Variants in ZNF521 observed in about 807,000 individuals in gnomAD.
ZNF521 encodes zinc finger protein 521, also known as LYST-interacting protein 3.
ZNF521 carries 14 observed loss-of-function variants against 105.5 expected under a neutral mutation model. That is an observed-to-expected ratio of 0.13 (90% CI 0.09 to 0.21). The LOEUF (loss-of-function observed/expected upper bound fraction) is 0.21. Among genes scored for constraint, ZNF521 ranks in the 10% least tolerant of loss-of-function variants. ZNF521 has a pLI of 1.00. For synonymous variants in ZNF521, 635 were observed against 606.0 expected (o/e 1.05, Z -0.70); for missense variants, 1,233 against 1,629.7 (o/e 0.76, Z 4.19).
intron 5 of ZNF521, among the ~76,000 whole-genome samples, chr18:25,124,403 ACAT>A (rs1384161761): frequency 2.6e-5 from 4 of 152,184 alleles, no homozygotes; most frequent in Non-Finnish European, 5.9e-5. Flanking sequence ...ACTAAGTAAC[ACAT>A]GAATAAAGTC....
At chr18:25,152,399 A>G (rs112735683) in intron 5 of ZNF521, among the ~76,000 whole-genome samples, 1 of 151,882 alleles carries the variant, frequency 6.6e-6, no homozygotes, top group Non-Finnish European at 1.5e-5. Context: ...GAATCACTTG[A>G]ATCTAGGAGG....
intron 7 of ZNF521, among the ~76,000 whole-genome samples, chr18:25,081,686 A>C (rs2033499360): frequency 1.3e-5 from 2 of 152,208 alleles, no homozygotes; most frequent in Non-Finnish European, 2.9e-5. Flanking sequence ...TGTGATAATC[A>C]TGCTTATCTT....
chr18:25,267,159 A>G (rs1600232923), intron 3 of ZNF521, among the ~76,000 whole-genome samples: 1 of 152,284 alleles, frequency 6.6e-6, no homozygotes, highest in African/African-American at 2.4e-5. Flanking sequence ...CAAAGCTGCC[A>G]GGAAGTTCAA....
chr18:25,297,011 T>C (rs535735189), intron 3 of ZNF521, among the ~76,000 whole-genome samples: 12 of 152,136 alleles, frequency 7.9e-5, no homozygotes, highest in African/African-American at 2.9e-4. Flanking sequence ...GTATGTGTGG[T>C]CACCCCATAA....
intron 2 of ZNF521, among the ~76,000 whole-genome samples, chr18:25,335,592 C>G (rs45626135): frequency 0.015 from 2,338 of 152,274 alleles, 30 homozygotes; most frequent in Middle Eastern, 0.054. Flanking sequence ...ATATTCCACT[C>G]ATTAAAAGTG....
chr18:25,335,818 G>A (rs1373735618), intron 2 of ZNF521, among the ~76,000 whole-genome samples: 1 of 152,196 alleles, frequency 6.6e-6, no homozygotes, highest in South Asian at 2.1e-4. Flanking sequence ...TCTACGAAGA[G>A]TATCACCGGA....
At chr18:25,254,406 C>G (rs1179283029) in intron 3 of ZNF521, among the ~76,000 whole-genome samples, 3 of 152,100 alleles carry the variant, frequency 2.0e-5, no homozygotes, top group African/African-American at 7.2e-5. Flanking sequence ...ACAACATGTC[C>G]ATCAGCTACT....
At chr18:25,300,584 CT>C (rs911913586) in intron 3 of ZNF521, among the ~76,000 whole-genome samples, 1 of 148,824 alleles carries the variant, frequency 6.7e-6, no homozygotes, top group African/African-American at 2.6e-5. Context: ...TCAAAGCAAA[CT>C]TAAATAAAAA....
chr18:25,263,515 G>A (rs966422733), intron 3 of ZNF521, among the ~76,000 whole-genome samples: 17 of 151,826 alleles, frequency 1.1e-4, no homozygotes, highest in African/African-American at 3.4e-4. Context: ...TTGCCACCAC[G>A]CCCAGCTAAT....
At chr18:25,268,365 A>T (rs533537493) in intron 3 of ZNF521, among the ~76,000 whole-genome samples, 1 of 152,352 alleles carries the variant, frequency 6.6e-6, no homozygotes, top group Admixed American at 6.5e-5. Flanking sequence ...ACACTTCAGG[A>T]TATTAATCAG....
At chr18:25,306,920 G>T (rs1240581531) in intron 3 of ZNF521, among the ~76,000 whole-genome samples, 2 of 150,720 alleles carry the variant, frequency 1.3e-5, no homozygotes, top group African/African-American at 2.4e-5. Context: ...GTACACAACT[G>T]GTGCTTTAAA....
chr18:25,072,215 G>A (rs2033243462), intron 7 of ZNF521, among the ~76,000 whole-genome samples: 1 of 152,210 alleles, frequency 6.6e-6, no homozygotes. Context: ...AGAAGACTAA[G>A]CAAAGACTAA....
intron 3 of ZNF521, among the ~76,000 whole-genome samples, chr18:25,314,192 C>G (rs1443741352): frequency 6.6e-6 from 1 of 151,566 alleles, no homozygotes; most frequent in South Asian, 2.1e-4. Context: ...ATAAGGAAAA[C>G]AGCAAAAAAA....
intron 1 of ZNF521, chr18:25,351,219 C>T (rs1454009843): frequency 7.1e-6 from 1 of 140,828 alleles, no homozygotes; most frequent in African/African-American, 2.7e-5. Context: ...CCCCCAATCT[C>T]CAAGAAAAAA....
intron 7 of ZNF521, among the ~76,000 whole-genome samples, chr18:25,063,632 G>A (rs1465281926): frequency 6.6e-6 from 1 of 152,274 alleles, no homozygotes; most frequent in South Asian, 2.1e-4. Flanking sequence ...TGTATTCAGG[G>A]AGCAGGCAGT....
intron 5 of ZNF521, among the ~76,000 whole-genome samples, chr18:25,183,049 A>T (rs759178622): frequency 2.6e-5 from 4 of 152,200 alleles, no homozygotes; most frequent in Admixed American, 6.5e-5. Context: ...ACTATCAAAT[A>T]TTATAAGAAA....
chr18:25,090,833 G>A (rs944966620), intron 6 of ZNF521, among the ~76,000 whole-genome samples: 3 of 152,114 alleles, frequency 2.0e-5, no homozygotes, highest in African/African-American at 7.2e-5. Flanking sequence ...CTCTTGACTC[G>A]TTGTATGTTA....
intron 4 of ZNF521, among the ~76,000 whole-genome samples, chr18:25,213,977 G>A (rs1457318893): frequency 6.6e-6 from 1 of 151,770 alleles, no homozygotes; most frequent in African/African-American, 2.4e-5. Context: ...TTTTAATTGG[G>A]AAATAACTTT....
intron 7 of ZNF521, among the ~76,000 whole-genome samples, chr18:25,075,475 T>C (rs989326053): frequency 1.3e-5 from 2 of 152,222 alleles, no homozygotes; most frequent in Non-Finnish European, 2.9e-5. Context: ...CTGTTGCTCC[T>C]GTGAGTTTGC....
Sources: allele counts gnomAD v4.1 joint callset (sites outside exome capture counted in the v4.1 genomes callset), GRCh38; gene constraint gnomAD v4.1.1; transcripts MANE v1.5; gene names NCBI Gene and HGNC (gene_info 2026-07-23, HGNC 2026-07-21).